Variants in PRODH observed in about 807,000 individuals in gnomAD.
PRODH encodes the protein proline dehydrogenase 1.
For missense variants in PRODH, 3 were observed against 24.1 expected (o/e 0.12, Z 1.83); for synonymous variants, 3 against 10.4 (o/e 0.29, Z 1.37).
In PRODH at chr22:18,933,694, CAGGCATGAGCCACCATGCCT is replaced by C. The variant is rs1338752249; in HGVS notation, c.273+2301_273+2320del. Among the ~76,000 whole-genome samples, 38 of 132,454 alleles carry C rather than the reference CAGGCATGAGCCACCATGCCT, an allele frequency of 2.9e-4. 1 individual carries two copies. The highest frequency in any genetic ancestry group is 9.4e-4 in the African/African-American group (38 of 40,316). 86.9% of individuals were successfully genotyped at this position (132,454 alleles called of 152,430 possible). A position where few individuals can be genotyped will look rare whatever the true frequency, so the allele number is the denominator to read the frequency against. ...TTGACCTCCTTAAGTGCTAGAATTA[CAGGCATGAGCCACCATGCCT>C]AGGCATGAGCCTAGGGCTTGTAATT... On this transcript the variant is annotated intron_variant, in intron 1 of 13. Coordinates refer to ENST00000357068, the MANE Select transcript of PRODH (RefSeq NM_016335.6).
intron 1 of PRODH, among the ~76,000 whole-genome samples, chr22:18,933,429 C>T (rs186473773): frequency 1.5e-3 from 230 of 151,408 alleles, no homozygotes; most frequent in African/African-American, 5.2e-3. Context: ...GCGCACACCA[C>T]CATGCCCAGC....
intron 11 of PRODH, 118 bp downstream of exon 11, chr22:18,918,198 T>G (rs1263644920): frequency 1.6e-5 from 4 of 243,896 alleles, no homozygotes; most frequent in African/African-American, 6.2e-5. Context: ...GCTGAGGAAA[T>G]ACCAGTTCTG....
At chr22:18,918,003 T>C (rs2081940433) in intron 11 of PRODH, among the ~76,000 whole-genome samples, 1 of 68,844 alleles carries the variant, frequency 1.5e-5, no homozygotes, top group African/African-American at 4.0e-5. Flanking sequence ...CTGTGTGAAC[T>C]GAAAAGCAAA....
At position 18,933,423 on chromosome 22, in the gene PRODH, ACAC is replaced by A. The variant is rs71710358; in HGVS notation, c.274-2228_274-2226del. 6.5e-3 allele frequency among the ~76,000 whole-genome samples: 989 copies of A among 151,696 alleles called. 9 individuals are homozygous for A. The highest frequency in any genetic ancestry group is 0.022 in the African/African-American group (900 of 41,396). On this transcript the variant is annotated intron_variant, in intron 1 of 13. Transcript: ENST00000357068. Reference sequence around the variant, plus strand: ...CCCAAGTAGCAGAGATTACAGGCGCACACCACCATGCCCAGCTAATTTTTATAT... The same window carrying A: ...CCCAAGTAGCAGAGATTACAGGCGCACACCATGCCCAGCTAATTTTTATAT...
Position 18,919,285 on chromosome 22 carries a change from A to AACAACCC in PRODH, c.1251+159_1251+165dup, listed in dbSNP as rs1446374544. On this transcript the variant is annotated intron_variant, in intron 10 of 13. Coordinates refer to ENST00000357068, the MANE Select transcript of PRODH (RefSeq NM_016335.6). ...GGTGAGCTGTGCTGCAGAAGACCCCAACAACCCCTTGGGGGCACGGCCCAC... is the reference window on the plus strand; with the variant it reads ...GGTGAGCTGTGCTGCAGAAGACCCCAACAACCCACAACCCCTTGGGGGCACGGCCCAC... 4.3e-5 allele frequency among the ~76,000 whole-genome samples: 2 copies of AACAACCC among 46,840 alleles called. 1 individual carries two copies. The highest frequency in any genetic ancestry group is 7.3e-4 in the East Asian group (2 of 2,750). 30.7% of individuals were successfully genotyped at this position (46,840 alleles called of 152,430 possible). A position where few individuals can be genotyped will look rare whatever the true frequency, so the allele number is the denominator to read the frequency against.
rs1568991518 is a variant in PRODH, at chr22:18,917,237, TG to T, written c.1428-250del. Among the ~76,000 whole-genome samples the T allele has an allele frequency of 8.5e-5, 3 of 35,330 alleles. 1 individual carries two copies. Among genetic ancestry groups the T allele is most frequent in the African/African-American group, 1.4e-4 (3 of 20,722 alleles). 23.2% of individuals were successfully genotyped at this position (35,330 alleles called of 152,430 possible). On this transcript the variant is annotated intron_variant, in intron 11 of 13. Coordinates refer to ENST00000357068, the MANE Select transcript of PRODH (RefSeq NM_016335.6). ...CAGACAATTCACGCAGAACCAGCTG[TG>T]GGGGCAGAGTCCCTGCATCAAACGT...
chr22:18,913,304 C>T lies in PRODH; in HGVS notation c.1674G>A (p.Leu558=), dbSNP rs758860516. ...YVPYGPVMEV[L]PYLSRRALEN... ...CCAGGGCACGGCGGGACAAGTAGGG[C>T]AGCACCTCCATCACGGGGCCATAGG... The change falls in exon 14 of 14, where the codon CTG becomes CTA. Residue 558 remains leucine (L), a synonymous_variant. Coordinates refer to ENST00000357068, the MANE Select transcript of PRODH (RefSeq NM_016335.6). 5 of 428,432 alleles carry T rather than the reference C, an allele frequency of 1.2e-5. 2 individuals are homozygous for T. The African/African-American group carries it at 1.6e-4, about 13-fold the overall frequency. The allele number at this position is 428,432 out of a possible 1,614,324, so 26.5% of individuals were successfully genotyped here.
chr22:18,917,966 G>A (rs1301724120), intron 11 of PRODH, among the ~76,000 whole-genome samples: 1 of 55,346 alleles, frequency 1.8e-5, no homozygotes, highest in African/African-American at 4.5e-5. Context: ...GTAAAAGCAG[G>A]TGCAGAACAG....
chr22:18,915,260 G>T (rs1366914146), intron 12 of PRODH: 1 of 30,342 alleles, frequency 3.3e-5, no homozygotes, highest in African/African-American at 6.3e-5. Flanking sequence ...GCGTGGTACT[G>T]GGGGAGCCTG....
chr22:18,933,497 A>T (rs190511816), intron 1 of PRODH, among the ~76,000 whole-genome samples: 308 of 144,786 alleles, frequency 2.1e-3, no homozygotes, highest in African/African-American at 7.1e-3. Context: ...GCTGGTCTCA[A>T]ACTCCTGACT....
rs1206883530 is a variant in PRODH, at chr22:18,918,051, A to G, written c.1427+265T>C. Among the ~76,000 whole-genome samples the G allele has an allele frequency of 4.6e-5, 5 of 108,382 alleles. 1 individual carries two copies. Among genetic ancestry groups the G allele is most frequent in the Non-Finnish European group, 8.9e-5 (4 of 44,996 alleles). 71.1% of individuals were successfully genotyped at this position (108,382 alleles called of 152,430 possible). A position where few individuals can be genotyped will look rare whatever the true frequency, so the allele number is the denominator to read the frequency against. ...GCAGGGTGGGGAGGACCGGGTGTTC[A>G]TGCACATCTCTGGATCTAAGTGTCT... On this transcript the variant is annotated intron_variant, in intron 11 of 13. Coordinates refer to ENST00000357068, the MANE Select transcript of PRODH (RefSeq NM_016335.6).
At chr22:18,919,903 A>G (rs182273403) in intron 8 of PRODH, 105 bp from the exon 9 acceptor site, 10 of 2,282 alleles carry the variant, frequency 4.4e-3, no homozygotes, top group East Asian at 0.025. Flanking sequence ...GAACCCTCTC[A>G]CCCGTCTGTG....
Position 18,918,358 on chromosome 22 carries a change from G to A in PRODH, c.1385C>T (p.Pro462Leu). The change falls in exon 11 of 14, where the codon CCC becomes CTC. Residue 462 changes from proline (P) to leucine (L), a missense_variant. Coordinates refer to ENST00000357068, the MANE Select transcript of PRODH (RefSeq NM_016335.6). The stretch of plus-strand genomic sequence containing the variant: ...GGTGGCCTCGTACGTGGGGTTGATG[G>A]GGTCCTCATAGCCGATCTCTGCCGC... ...ARAAEIGYED[P>L]INPTYEATNA... The A allele has an allele frequency of 4.2e-6, 1 of 235,964 alleles. No individual in the cohort carries two copies. The highest frequency in any genetic ancestry group is 8.2e-6 in the Non-Finnish European group (1 of 121,272). The allele number at this position is 235,964 out of a possible 1,614,324, so 14.6% of individuals were successfully genotyped here.
At chr22:18,926,067 TGA>T (rs1439177460) in intron 2 of PRODH, among the ~76,000 whole-genome samples, 1 of 126,756 alleles carries the variant, frequency 7.9e-6, no homozygotes, top group Non-Finnish European at 1.9e-5. Flanking sequence ...CAGTCAGGGC[TGA>T]GAGGAACGGA....
intron 1 of PRODH, among the ~76,000 whole-genome samples, chr22:18,933,571 TG>T (rs1441914201): frequency 8.5e-6 from 1 of 117,722 alleles, no homozygotes; most frequent in Non-Finnish European, 1.9e-5. Flanking sequence ...CCACCGCACC[TG>T]GCCCCAGCTA....
rs1222933900 is a variant in PRODH, at chr22:18,926,029, AGGTAGTTACCT to A, written c.483-318_483-308del. 6.0e-5 allele frequency among the ~76,000 whole-genome samples: 7 copies of A among 116,882 alleles called. No individual in the cohort carries two copies. The East Asian group carries it at 1.4e-3, about 24-fold the overall frequency. 76.7% of individuals were successfully genotyped at this position (116,882 alleles called of 152,430 possible). ...GGGCTTGCAGCAGGTTCTCAAATAA[AGGTAGTTACCT>A]GGTTCCAAGACAGAGCCAGTCAGGG... On this transcript the variant is annotated intron_variant, in intron 2 of 13. Transcript: ENST00000357068.
rs9605901 is a variant in PRODH, at chr22:18,919,117, C to T, written c.1251+334G>A. Among the ~76,000 whole-genome samples the T allele has an allele frequency of 8.0e-4, 40 of 49,926 alleles. No individual in the cohort carries two copies. The East Asian group carries it at 0.012, about 16-fold the overall frequency. The allele number at this position is 49,926 out of a possible 152,430, so 32.8% of individuals were successfully genotyped here. On this transcript the variant is annotated intron_variant, in intron 10 of 13. Coordinates refer to ENST00000357068, the MANE Select transcript of PRODH (RefSeq NM_016335.6). The stretch of plus-strand genomic sequence containing the variant: ...CCTCCTGCTCCTTAGACACTCTTGG[C>T]TGGTTCTGAGAACCAGGGGAGAGGT...
intron 1 of PRODH, among the ~76,000 whole-genome samples, chr22:18,933,381 T>C (rs2082000082): frequency 6.6e-6 from 1 of 150,882 alleles, no homozygotes; most frequent in East Asian, 2.0e-4. Context: ...GTTCAAGCGA[T>C]TCTCCCGCCT....
In PRODH at chr22:18,917,471, G is replaced by C. The variant is rs1000896487; in HGVS notation, c.1428-483C>G. Reference sequence around the variant, plus strand: ...CCTCCTGCAGCGAGGTCACTCAGCAGGCTTGACCACACGCACGTTCTCTCT... The same window carrying C: ...CCTCCTGCAGCGAGGTCACTCAGCACGCTTGACCACACGCACGTTCTCTCT... On this transcript the variant is annotated intron_variant, in intron 11 of 13. Coordinates refer to ENST00000357068, the MANE Select transcript of PRODH (RefSeq NM_016335.6). Among the ~76,000 whole-genome samples, 2 of 34,624 alleles carry C rather than the reference G, an allele frequency of 5.8e-5. 1 individual carries two copies. Among genetic ancestry groups the C allele is most frequent in the African/African-American group, 9.8e-5 (2 of 20,508 alleles). The allele number at this position is 34,624 out of a possible 152,430, so 22.7% of individuals were successfully genotyped here.
Sources: allele counts gnomAD v4.1 joint callset (sites outside exome capture counted in the v4.1 genomes callset), GRCh38; gene constraint gnomAD v4.1.1; transcripts MANE v1.5; gene names NCBI Gene and HGNC (gene_info 2026-07-23, HGNC 2026-07-21).